Variants in IFT81 observed in about 807,000 individuals in gnomAD.
IFT81 encodes intraflagellar transport protein 81 homolog.
IFT81 carries 72 observed loss-of-function variants against 102.6 expected under a neutral mutation model. That is an observed-to-expected ratio of 0.70 (90% CI 0.58 to 0.85). IFT81 has a LOEUF of 0.85. Ranked by LOEUF, IFT81 falls within the 40% of genes least tolerant of loss-of-function variation. The pLI is 0.00. For synonymous variants in IFT81, 237 were observed against 242.7 expected (o/e 0.98, Z 0.22); for missense variants, 723 against 787.3 (o/e 0.92, Z 0.98).
Position 110,128,082 on chromosome 12 carries a change from A to G in IFT81, c.181A>G (p.Thr61Ala), listed in dbSNP as rs757212453. ...VDIREEMPEQ[T>A]AKRMLSLLGI... ...TATCAGAGAGGAGATGCCAGAGCAG[A>G]CAGCCAAACGAATGTTGAGCCTTCT... is the stretch of plus-strand genomic sequence containing the variant. Residue 61 changes from threonine to alanine, a missense_variant, in exon 3 of 19, where the codon ACA becomes GCA. Thr to Ala is a moderately conservative substitution (Grantham distance 58). Coordinates refer to ENST00000242591, the MANE Select transcript of IFT81 (RefSeq NM_014055.4). The G allele has an allele frequency of 6.2e-7, 1 of 1,613,900 alleles. No homozygotes were observed. Among genetic ancestry groups the G allele is most frequent in the East Asian group, 2.2e-5 (1 of 44,876 alleles).
chr12:110,163,089 C>A, intron 11 of IFT81, 24 bp downstream of exon 11: 2 of 1,603,334 alleles, frequency 1.2e-6, no homozygotes, highest in Non-Finnish European at 1.7e-6. Context: ...TCTCATGGGA[C>A]AAGGGTATGA....
chr12:110,205,980 T>G (rs747021120), intron 17 of IFT81, among the ~76,000 whole-genome samples: 3 of 152,210 alleles, frequency 2.0e-5, no homozygotes, highest in Non-Finnish European at 2.9e-5. Flanking sequence ...TGTACAGCCA[T>G]CACCACTGTA....
chr12:110,196,979 T>C (rs527802626), intron 14 of IFT81, among the ~76,000 whole-genome samples: 22 of 152,202 alleles, frequency 1.4e-4, no homozygotes, highest in African/African-American at 4.6e-4. Flanking sequence ...GTTAGGAGAC[T>C]CTTGAGCCCA....
chr12:110,179,490 G>C (rs1897191459), intron 11 of IFT81, among the ~76,000 whole-genome samples: 1 of 151,746 alleles, frequency 6.6e-6, no homozygotes, highest in South Asian at 2.1e-4. Flanking sequence ...GGGAGGCCAA[G>C]GCGGGTGAAT....
At chr12:110,133,337 A>G (rs1175435229) in intron 5 of IFT81, among the ~76,000 whole-genome samples, 1 of 152,090 alleles carries the variant, frequency 6.6e-6, no homozygotes, top group South Asian at 2.1e-4. Flanking sequence ...AGAATACTTT[A>G]GTAGGCCAGG....
intron 11 of IFT81, among the ~76,000 whole-genome samples, chr12:110,174,311 G>T (rs12369034): frequency 1.5e-5 from 2 of 133,092 alleles, no homozygotes; most frequent in African/African-American, 2.8e-5. Context: ...AAAAAAATTA[G>T]CCGGGTGTGG....
At chr12:110,148,938 GATCA>G (rs1482641749) in intron 10 of IFT81, among the ~76,000 whole-genome samples, 3 of 152,120 alleles carry the variant, frequency 2.0e-5, no homozygotes, top group Non-Finnish European at 2.9e-5. Flanking sequence ...ACAGTGAAGT[GATCA>G]ATTAGGGCTA....
rs1307923177 is a variant in IFT81 at position 110,205,635 on chromosome 12, A to G, written c.1757A>G (p.Lys586Arg). The G allele has an allele frequency of 6.2e-7, 1 of 1,604,988 alleles. No individual in the cohort carries two copies. Among genetic ancestry groups the G allele is most frequent in the Admixed American group, 1.7e-5 (1 of 58,208 alleles). Residue 586 changes from lysine (K) to arginine (R), a missense_variant, in exon 17 of 19, where the codon AAG (lysine) becomes AGG (arginine). Physicochemically the swap from Lys to Arg is conservative, Grantham distance 26. Coordinates refer to ENST00000242591, the MANE Select transcript of IFT81 (RefSeq NM_014055.4). ...CTTCGTCGTGCTACTGATGAGATGAAGGCATATATCTCTTCTGATCAACAA... is the reference window on the plus strand; with the variant it reads ...CTTCGTCGTGCTACTGATGAGATGAGGGCATATATCTCTTCTGATCAACAA... Reference protein sequence around the residue: ...VQLRRATDEMKAYISSDQQEK... With the variant: ...VQLRRATDEMRAYISSDQQEK...
intron 3 of IFT81, among the ~76,000 whole-genome samples, chr12:110,128,554 C>A (rs1231308142): frequency 6.6e-6 from 1 of 151,644 alleles, no homozygotes; most frequent in Non-Finnish European, 1.5e-5. Flanking sequence ...CTTTGAGATG[C>A]CAAGGTGAGA....
At chr12:110,166,068 T>G (rs1460067156) in intron 11 of IFT81, among the ~76,000 whole-genome samples, 1 of 152,230 alleles carries the variant, frequency 6.6e-6, no homozygotes, top group Non-Finnish European at 1.5e-5. Context: ...CTTACCCTCT[T>G]TATACTCAGC....
intron 3 of IFT81, 82 bp from the exon 4 acceptor site, chr12:110,128,867 AT>A: frequency 9.8e-7 from 1 of 1,022,026 alleles, no homozygotes; most frequent in Non-Finnish European, 1.5e-6. Flanking sequence ...GACATTGTAA[AT>A]CAGATTTTGA....
intron 14 of IFT81, 46 bp from the exon 15 acceptor site, chr12:110,203,818 G>A: frequency 7.9e-7 from 1 of 1,270,362 alleles, no homozygotes; most frequent in Non-Finnish European, 1.2e-6. Context: ...CCATGTTTGG[G>A]ACCTTTGTTT....
At chr12:110,132,475 A>G in intron 4 of IFT81, 72 bp from the exon 5 acceptor site, 1 of 619,634 alleles carries the variant, frequency 1.6e-6, no homozygotes, top group Non-Finnish European at 2.7e-6. Flanking sequence ...AAAAAAAAAA[A>G]GAAAGAAAGA....
chr12:110,139,740 C>T (rs965057851), intron 8 of IFT81, among the ~76,000 whole-genome samples: 8 of 150,902 alleles, frequency 5.3e-5, no homozygotes, highest in African/African-American at 2.0e-4. Flanking sequence ...CGCCACTGCA[C>T]TCCAGCCTGG....
At chr12:110,187,985 C>T (rs1029010294) in intron 12 of IFT81, among the ~76,000 whole-genome samples, 2 of 152,122 alleles carry the variant, frequency 1.3e-5, no homozygotes, top group Non-Finnish European at 2.9e-5. Flanking sequence ...GAATTCCTAC[C>T]TTTATCTCCC....
At chr12:110,127,800 T>A (rs1893935152) in intron 2 of IFT81, among the ~76,000 whole-genome samples, 1 of 152,252 alleles carries the variant, frequency 6.6e-6, no homozygotes. Context: ...TGCAAGTTAG[T>A]TCATGTCTCT....
At chr12:110,125,105 G>A (rs67715513) in intron 1 of IFT81, among the ~76,000 whole-genome samples, 25,579 of 152,030 alleles carry the variant, frequency 0.17, 3,344 homozygotes, top group African/African-American at 0.37. Flanking sequence ...GGAAAAAAGA[G>A]TAGACCTATA....
chr12:110,155,896 T>G (rs1001648789), intron 10 of IFT81, among the ~76,000 whole-genome samples: 2 of 152,238 alleles, frequency 1.3e-5, no homozygotes, highest in African/African-American at 4.8e-5. Flanking sequence ...GTTATATCAC[T>G]GTAATTTGAA....
At chr12:110,176,038 C>CT (rs1780054667) in intron 11 of IFT81, among the ~76,000 whole-genome samples, 1 of 152,134 alleles carries the variant, frequency 6.6e-6, no homozygotes, top group Admixed American at 6.6e-5. Flanking sequence ...CCCTCTGTGT[C>CT]TATGTTTCCA....
Sources: allele counts gnomAD v4.1 joint callset (sites outside exome capture counted in the v4.1 genomes callset), GRCh38; gene constraint gnomAD v4.1.1; transcripts MANE v1.5; gene names NCBI Gene and HGNC (gene_info 2026-07-23, HGNC 2026-07-21).